The following DNER variants were observed in gnomAD, a reference collection of about 807,000 sequenced individuals.
The protein encoded by DNER is delta/notch like EGF repeat containing, also known as delta and Notch-like epidermal growth factor-related receptor.
DNER carries 33 observed loss-of-function variants against 78.2 expected under a neutral mutation model. The ratio of observed to expected loss-of-function variants is 0.42; its 90% CI spans 0.32 to 0.56. DNER has a LOEUF of 0.56. Ranked by LOEUF, DNER falls within the 20% of genes least tolerant of loss-of-function variation. The pLI, the probability that DNER is intolerant of heterozygous loss-of-function variation, is 0.11. For missense variants in DNER, 918 were observed against 975.3 expected, an observed-to-expected ratio of 0.94 and a Z score of 0.78; for synonymous variants, 417 against 384.8, an observed-to-expected ratio of 1.08 and a Z score of -0.98.
Position 229,634,056 on chromosome 2 carries a change from G to A in DNER, c.277-42168C>T, listed in dbSNP as rs1419657452. On this transcript the variant is annotated intron_variant, in intron 1 of 12. Coordinates refer to ENST00000341772, the MANE Select transcript of DNER (RefSeq NM_139072.4). ...TGTAGGCTGGCACCCAGCAGGCTGT[G>A]ACTTTGTCCTCTCCTAAGGGACAAT... 2.6e-5 allele frequency among the ~76,000 whole-genome samples: 4 copies of A among 152,178 alleles called. No homozygotes were observed. The East Asian group carries it at 7.7e-4, about 29-fold the overall frequency.
At chr2:229,694,267 C>A (rs1002451548) in intron 1 of DNER, among the ~76,000 whole-genome samples, 6 of 152,326 alleles carry the variant, frequency 3.9e-5, no homozygotes, top group Middle Eastern at 6.8e-3. Context: ...GCTGCAGGGG[C>A]AGAGCCCCCA....
intron 7 of DNER, among the ~76,000 whole-genome samples, chr2:229,456,613 T>G (rs1184445861): frequency 6.6e-6 from 1 of 152,030 alleles, no homozygotes; most frequent in African/African-American, 2.4e-5. Flanking sequence ...TGCAGCTACA[T>G]GTACATCTGT....
chr2:229,529,290 G>T (rs1482367828), intron 5 of DNER, among the ~76,000 whole-genome samples: 2 of 151,954 alleles, frequency 1.3e-5, no homozygotes, highest in African/African-American at 4.8e-5. Flanking sequence ...AATAATTCAA[G>T]CTTGATGATA....
chr2:229,668,542 A>ACTTACC (rs1699147261), intron 1 of DNER, among the ~76,000 whole-genome samples: 1 of 4,274 alleles, frequency 2.3e-4, no homozygotes. Context: ...GTGTGTATAT[A>ACTTACC]TATATATATA....
At chr2:229,699,054 CT>C (rs1363271065) in intron 1 of DNER, among the ~76,000 whole-genome samples, 1 of 152,182 alleles carries the variant, frequency 6.6e-6, no homozygotes, top group Admixed American at 6.5e-5. Flanking sequence ...GCAAGCCTTT[CT>C]GCCCAAGCCT....
intron 1 of DNER, among the ~76,000 whole-genome samples, chr2:229,674,296 G>A (rs1699263858): frequency 6.6e-6 from 1 of 152,084 alleles, no homozygotes; most frequent in Admixed American, 6.5e-5. Context: ...TTTTTTGGTG[G>A]GGGATGGAGT....
At chr2:229,482,550 G>A (rs531043659) in intron 6 of DNER, among the ~76,000 whole-genome samples, 12 of 152,212 alleles carry the variant, frequency 7.9e-5, no homozygotes, top group South Asian at 2.1e-4. Context: ...ACTCTATTCC[G>A]AATCTCGCCA....
At chr2:229,670,233 T>C (rs1699184292) in intron 1 of DNER, among the ~76,000 whole-genome samples, 2 of 152,202 alleles carry the variant, frequency 1.3e-5, no homozygotes, top group South Asian at 2.1e-4. Flanking sequence ...CACACATTCA[T>C]AGTGGGAGCT....
chr2:229,668,534 GTGTATATATA>G (rs1300520576), intron 1 of DNER, among the ~76,000 whole-genome samples: 2 of 4,964 alleles, frequency 4.0e-4, no homozygotes, highest in Non-Finnish European at 1.9e-3. Flanking sequence ...GTGTGTGTGT[GTGTATATATA>G]TATATATATA....
At chr2:229,634,605 T>G (rs1447831337) in intron 1 of DNER, among the ~76,000 whole-genome samples, 1 of 152,228 alleles carries the variant, frequency 6.6e-6, no homozygotes, top group African/African-American at 2.4e-5. Context: ...ACTTATAATG[T>G]AAGGCTCAAG....
At chr2:229,628,238 A>G (rs1344536398) in intron 1 of DNER, among the ~76,000 whole-genome samples, 2 of 152,198 alleles carry the variant, frequency 1.3e-5, no homozygotes, top group East Asian at 3.8e-4. Flanking sequence ...TAGATCAAAC[A>G]GTACCAGGGC....
intron 5 of DNER, among the ~76,000 whole-genome samples, chr2:229,546,646 G>A (rs568867744): frequency 1.3e-5 from 2 of 152,312 alleles, no homozygotes; most frequent in African/African-American, 4.8e-5. Context: ...TGAAACAGGA[G>A]AATCACTTGA....
At chr2:229,694,362 G>A (rs1699630309) in intron 1 of DNER, among the ~76,000 whole-genome samples, 1 of 152,212 alleles carries the variant, frequency 6.6e-6, no homozygotes, top group Admixed American at 6.5e-5. Flanking sequence ...GCTGCCTAGT[G>A]GAGCTGTGAG....
intron 6 of DNER, among the ~76,000 whole-genome samples, chr2:229,493,244 T>C (rs1380054500): frequency 1.3e-5 from 2 of 152,192 alleles, no homozygotes; most frequent in South Asian, 2.1e-4. Context: ...GTAGGAACAA[T>C]GTAGTGCTTT....
chr2:229,385,244 C>T (rs946630923), intron 11 of DNER, among the ~76,000 whole-genome samples: 1 of 152,006 alleles, frequency 6.6e-6, no homozygotes, highest in Non-Finnish European at 1.5e-5. Flanking sequence ...TCTCAATAGA[C>T]ACAGAAAAGG....
intron 4 of DNER, among the ~76,000 whole-genome samples, chr2:229,575,493 T>C (rs563357691): frequency 1.3e-5 from 2 of 152,300 alleles, no homozygotes; most frequent in South Asian, 4.2e-4. Flanking sequence ...CTCAAAGAAA[T>C]TGGCTGAGAG....
At chr2:229,552,187 T>G (rs1009180225) in intron 4 of DNER, among the ~76,000 whole-genome samples, 1 of 152,182 alleles carries the variant, frequency 6.6e-6, no homozygotes, top group East Asian at 1.9e-4. Flanking sequence ...GGACAGGCAG[T>G]GCATGCTTGA....
rs1026880447 is a variant in DNER at position 229,509,670 on chromosome 2, C to T, written c.1147+3113G>A. Among the ~76,000 whole-genome samples the T allele has an allele frequency of 1.2e-4, 19 of 152,048 alleles. No individual in the cohort carries two copies. The East Asian group carries it at 2.3e-3, about 19-fold the overall frequency. On this transcript the variant is annotated intron_variant, in intron 6 of 12. Coordinates refer to ENST00000341772, the MANE Select transcript of DNER (RefSeq NM_139072.4). ...CTCTACTAAAAGTACAAAAATTACCCGGGCATGGTAGTGGGTGCCTGTAAT... is the reference window on the plus strand; with the variant it reads ...CTCTACTAAAAGTACAAAAATTACCTGGGCATGGTAGTGGGTGCCTGTAAT...
chr2:229,360,303 T>A (rs1216545626), intron 12 of DNER, among the ~76,000 whole-genome samples: 1 of 152,260 alleles, frequency 6.6e-6, no homozygotes, highest in Non-Finnish European at 1.5e-5. Flanking sequence ...CATAGTAGGA[T>A]ATAGAGAGCT....
Sources: allele counts gnomAD v4.1 joint callset (sites outside exome capture counted in the v4.1 genomes callset), GRCh38; gene constraint gnomAD v4.1.1; transcripts MANE v1.5; gene names NCBI Gene and HGNC (gene_info 2026-07-23, HGNC 2026-07-21).